OXNAD1: variants seen among roughly 807,000 people sequenced by gnomAD.
The protein encoded by OXNAD1 is oxidoreductase NAD-binding domain-containing protein 1.
OXNAD1 carries 34 observed loss-of-function variants against 32.9 expected under a neutral mutation model. The ratio of observed to expected loss-of-function variants is 1.03; its 90% CI spans 0.79 to 1.38. The LOEUF is 1.38. Ranked by LOEUF, OXNAD1 falls within the 40% of genes most tolerant of loss-of-function variation. The pLI is 0.00. For synonymous variants in OXNAD1, 134 were observed against 135.2 expected (o/e 0.99, Z 0.06); for missense variants, 407 against 379.4 (o/e 1.07, Z -0.60).
intron 6 of OXNAD1, among the ~76,000 whole-genome samples, chr3:16,296,377 A>G (rs150345382): frequency 6.6e-6 from 1 of 152,352 alleles, no homozygotes; most frequent in East Asian, 1.9e-4. Flanking sequence ...AAAACTCAAC[A>G]TAGTAAAGAA....
Position 16,317,344 on chromosome 3 carries a change from C to G in OXNAD1, c.*30+13752C>G. 1 of 1,093,980 alleles carries G rather than the reference C, an allele frequency of 9.1e-7. No homozygotes were observed. The highest frequency in any genetic ancestry group is 1.3e-6 in the Non-Finnish European group (1 of 761,270). 67.8% of individuals were successfully genotyped at this position (1,093,980 alleles called of 1,614,324 possible). On this transcript the variant is annotated intron_variant, in intron 9 of 9. Coordinates refer to the OXNAD1 transcript ENST00000435829. This position sits in a 1 kb window ranked among gnomAD's most constrained non-coding sequence, Gnocchi z 4.3. ...CCATGTCTGAGTGAGACATACAATT[C>G]CCAGCATCCCCCAGCCAGGCAGTAC...
chr3:16,326,822 C>T, intron 9 of OXNAD1: 1 of 1,614,128 alleles, frequency 6.2e-7, no homozygotes, highest in Non-Finnish European at 8.5e-7. Flanking sequence ...AGCTGCCAGC[C>T]ATAGGCCGCC....
intron 9 of OXNAD1, among the ~76,000 whole-genome samples, chr3:16,330,566 T>C (rs1170970394): frequency 6.6e-6 from 1 of 152,226 alleles, no homozygotes. Flanking sequence ...TTTCTTTCTC[T>C]GAGTAGGAGC....
downstream of OXNAD1, chr3:16,306,219 T>C (rs371628060): frequency 3.9e-5 from 6 of 152,220 alleles, no homozygotes; most frequent in South Asian, 1.0e-3. Context: ...TTCAAACATA[T>C]GACAAAGTAG....
chr3:16,272,647 CTTT>C lies in OXNAD1; in HGVS notation c.183+943_183+945del, dbSNP rs35628992. ...GTGTTTGTTGATTCAGCTTAAAGTT[CTTT>C]TTTTTTTTTTTTTTTTTGAGAAGTC... is the stretch of plus-strand genomic sequence containing the variant. On this transcript the variant is annotated intron_variant, in intron 4 of 8. Coordinates refer to ENST00000285083, the MANE Select transcript of OXNAD1 (RefSeq NM_138381.5). Among the ~76,000 whole-genome samples, 1,064 of 112,764 alleles carry C rather than the reference CTTT, an allele frequency of 9.4e-3. 9 individuals are homozygous for C. Among genetic ancestry groups the C allele is most frequent in the African/African-American group, 0.012 (374 of 30,262 alleles). The allele number at this position is 112,764 out of a possible 152,430, so 74.0% of individuals were successfully genotyped here.
intron 9 of OXNAD1, among the ~76,000 whole-genome samples, chr3:16,319,491 C>T (rs1174527931): frequency 6.6e-6 from 1 of 152,206 alleles, no homozygotes; most frequent in Non-Finnish European, 1.5e-5. Context: ...GGGCCCCATT[C>T]ATATTGTATT....
At position 16,327,576 on chromosome 3, in the gene OXNAD1, A is replaced by G. The variant is rs1382969832; in HGVS notation, c.*31-9536A>G. On this transcript the variant is annotated intron_variant, in intron 9 of 9. Coordinates refer to the OXNAD1 transcript ENST00000435829. The surrounding 1 kb of genome is among the most constrained non-coding windows in gnomAD (Gnocchi z 4.2). Reference sequence around the variant, plus strand: ...AGATCAAGACCATCCTGGCTAACACAGTGAAACCCCGTCTCTACTAAAAAT... The same window carrying G: ...AGATCAAGACCATCCTGGCTAACACGGTGAAACCCCGTCTCTACTAAAAAT... Among the ~76,000 whole-genome samples the G allele has an allele frequency of 6.6e-6, 1 of 151,950 alleles. No individual in the cohort carries two copies. The highest frequency in any genetic ancestry group is 1.5e-5 in the Non-Finnish European group (1 of 67,968).
chr3:16,295,625 G>C (rs528179470), intron 6 of OXNAD1, among the ~76,000 whole-genome samples: 1 of 152,092 alleles, frequency 6.6e-6, no homozygotes, highest in Non-Finnish European at 1.5e-5. Context: ...TCAGTTACTC[G>C]TTGTCTTAGT....
At chr3:16,313,165 C>T (rs1443624393) in intron 9 of OXNAD1, among the ~76,000 whole-genome samples, 1 of 148,588 alleles carries the variant, frequency 6.7e-6, no homozygotes, top group Non-Finnish European at 1.5e-5. Flanking sequence ...CTCACTTTAG[C>T]CTCCCAAGTA....
chr3:16,295,107 TAC>T (rs1378513708), intron 6 of OXNAD1, 110 bp downstream of exon 6: 1 of 1,278,110 alleles, frequency 7.8e-7, no homozygotes, highest in African/African-American at 1.5e-5. Context: ...AGTAAAAGGG[TAC>T]ATGCCCAGAA....
At chr3:16,323,269 C>T (rs772712349) in intron 9 of OXNAD1, 58 of 785,730 alleles carry the variant, frequency 7.4e-5, no homozygotes, top group Non-Finnish European at 9.6e-5. Flanking sequence ...TTGGGCTCTG[C>T]GAGCCCTTGG....
At position 16,280,026 on chromosome 3, in the gene OXNAD1, C is replaced by T. The variant is rs71310332; in HGVS notation, c.184-6316C>T. Among the ~76,000 whole-genome samples, 6,338 of 152,266 alleles carry T rather than the reference C, an allele frequency of 0.042. 192 individuals carry two copies. Among genetic ancestry groups the T allele is most frequent in the Non-Finnish European group, 0.065 (4,420 of 68,012 alleles). On this transcript the variant is annotated intron_variant, in intron 4 of 8. Coordinates refer to ENST00000285083, the MANE Select transcript of OXNAD1 (RefSeq NM_138381.5). This position sits in a 1 kb window ranked among gnomAD's most constrained non-coding sequence, Gnocchi z 4.5. ...AAATCTGCTTTGCCCCTTACTGGCT[C>T]TGGGACCTCAGTTTTCTCATATGTA... is the stretch of plus-strand genomic sequence containing the variant.
chr3:16,274,167 T>TAAAAAAAAA (rs34969392), intron 4 of OXNAD1, among the ~76,000 whole-genome samples: 1 of 122,404 alleles, frequency 8.2e-6, no homozygotes, highest in Non-Finnish European at 1.7e-5. Context: ...GTACTATCAC[T>TAAAAAAAAA]AAAAAAAAAA....
intron 9 of OXNAD1, among the ~76,000 whole-genome samples, chr3:16,347,251 C>T (rs2071787132): frequency 1.3e-5 from 2 of 152,210 alleles, no homozygotes; most frequent in South Asian, 4.1e-4. Context: ...TCAAGGACAC[C>T]CTACAGGGCA....
Position 16,300,951 on chromosome 3 carries a change from G to C in OXNAD1, c.433-675G>C, listed in dbSNP as rs74446754. On this transcript the variant is annotated intron_variant, in intron 6 of 8. Coordinates refer to ENST00000285083, the MANE Select transcript of OXNAD1 (RefSeq NM_138381.5). The stretch of plus-strand genomic sequence containing the variant: ...AGTAGCACCCCCACTGAGAAAAACA[G>C]TACATTCAACTCTGATGGTATTACG... 1.8e-4 allele frequency among the ~76,000 whole-genome samples: 27 copies of C among 152,308 alleles called. No individual in the cohort carries two copies. The East Asian group carries it at 5.2e-3, about 29-fold the overall frequency.
In OXNAD1 at chr3:16,297,203, AG is replaced by A. The variant is rs1370571230; in HGVS notation, c.432+2208del. On this transcript the variant is annotated intron_variant, in intron 6 of 8. Transcript: ENST00000285083. This position sits in a 1 kb window ranked among gnomAD's most constrained non-coding sequence, Gnocchi z 4.3. ...GATTGAACAGACACTTCAGTAAAAA[AG>A]GATATGATGATGGCAAATAAGCAAT... Among the ~76,000 whole-genome samples the A allele has an allele frequency of 2.0e-5, 3 of 152,208 alleles. No homozygotes were observed. Among genetic ancestry groups the A allele is most frequent in the African/African-American group, 7.2e-5 (3 of 41,456 alleles).
rs906626653 is a variant in OXNAD1 at position 16,265,230 on chromosome 3, A to G, written c.-434A>G. The stretch of plus-strand genomic sequence containing the variant: ...CCGCGGAGTATTCCAGGCGCCTGCA[A>G]CTAAACGTGGCCGGGTCTGCAAGCT... On this transcript the variant is annotated 5_prime_UTR_variant, in exon 1 of 9. Transcript: ENST00000285083. This position sits in a 1 kb window ranked among gnomAD's most constrained non-coding sequence, Gnocchi z 4.8. 1.1e-4 allele frequency: 31 copies of G among 274,022 alleles called. No homozygotes were observed. The highest frequency in any genetic ancestry group is 6.1e-4 in the African/African-American group (28 of 45,806). The allele number at this position is 274,022 out of a possible 1,614,324, so 17.0% of individuals were successfully genotyped here. A position where few individuals can be genotyped will look rare whatever the true frequency, so the allele number is the denominator to read the frequency against.
chr3:16,303,342 G>T lies in OXNAD1; in HGVS notation c.785-66G>T. 1.9e-6 allele frequency: 3 copies of T among 1,554,856 alleles called. No individual in the cohort carries two copies. The highest frequency in any genetic ancestry group is 2.6e-6 in the Non-Finnish European group (3 of 1,134,392). On this transcript the variant is annotated intron_variant, in intron 8 of 8. Coordinates refer to ENST00000285083, the MANE Select transcript of OXNAD1 (RefSeq NM_138381.5). This position sits in a 1 kb window ranked among gnomAD's most constrained non-coding sequence, Gnocchi z 4.8. ...AAACACTGTATCTGAATTGTGGTTA[G>T]TCCTTCCTCATTTGCTGATACAACC...
At chr3:16,295,522 T>G (rs573703152) in intron 6 of OXNAD1, among the ~76,000 whole-genome samples, 27 of 152,256 alleles carry the variant, frequency 1.8e-4, no homozygotes, top group African/African-American at 6.3e-4. Context: ...TGTTAATAAC[T>G]CTTATTTCAC....
Sources: gnomAD v4.1 joint callset for allele counts (sites outside exome capture counted in the v4.1 genomes callset) on GRCh38, gnomAD v4.1.1 for gene constraint, Gnocchi (gnomAD v3.1) non-coding constraint, MANE v1.5 for transcripts, NCBI Gene and HGNC (gene_info 2026-07-23, HGNC 2026-07-21) for gene names.